Variants in TENM4 observed in about 807,000 individuals in gnomAD.
TENM4 encodes teneurin transmembrane protein 4.
Under a neutral mutation model 243.3 loss-of-function variants are expected in TENM4, and 82 were observed. The observed-to-expected ratio is 0.34, with a 90% CI of 0.28 to 0.40. The LOEUF (loss-of-function observed/expected upper bound fraction) is 0.40, where lower values mean the gene tolerates loss of function less well. TENM4 is among the 10% of genes least tolerant of loss of function. TENM4 has a pLI of 1.00. For synonymous variants in TENM4, 1,412 were observed against 1,456.3 expected, an observed-to-expected ratio of 0.97 and a Z score of 0.69; for missense variants, 3,138 against 3,673.3, an observed-to-expected ratio of 0.85 and a Z score of 3.77.
chr11:79,013,042 A>G (rs867334325), intron 6 of TENM4, among the ~76,000 whole-genome samples: 16 of 152,336 alleles, frequency 1.1e-4, no homozygotes, highest in Middle Eastern at 6.8e-3. Flanking sequence ...CTGATACACG[A>G]ACAAGATTTA....
At chr11:78,903,862 G>A in intron 6 of TENM4, 1 of 575,964 alleles carries the variant, frequency 1.7e-6, no homozygotes, top group Non-Finnish European at 3.3e-6. Flanking sequence ...TTAAAGTGTG[G>A]CCAGGGACCA....
At chr11:78,831,071 G>A (rs1265440282) in intron 12 of TENM4, among the ~76,000 whole-genome samples, 1 of 152,168 alleles carries the variant, frequency 6.6e-6, no homozygotes, top group African/African-American at 2.4e-5. Context: ...CTTTTCAGAT[G>A]AGAAAATGGA....
At chr11:79,179,614 A>G (rs1427527794) in intron 3 of TENM4, among the ~76,000 whole-genome samples, 2 of 146,982 alleles carry the variant, frequency 1.4e-5, no homozygotes, top group South Asian at 2.1e-4. Context: ...AATATTTAGT[A>G]TATGGATTGA....
At chr11:79,246,330 C>G (rs1343903077) in intron 2 of TENM4, among the ~76,000 whole-genome samples, 1 of 151,972 alleles carries the variant, frequency 6.6e-6, no homozygotes, top group Non-Finnish European at 1.5e-5. Flanking sequence ...TTCCTTACAG[C>G]ATAAGTTAAT....
intron 1 of TENM4, among the ~76,000 whole-genome samples, chr11:79,371,259 G>T (rs1108284): frequency 0.28 from 42,094 of 151,988 alleles, 5,995 homozygotes; most frequent in Middle Eastern, 0.34. Context: ...GTCAAGGTAA[G>T]TACACATGTG....
chr11:78,987,217 T>C (rs1857938726), intron 6 of TENM4, among the ~76,000 whole-genome samples: 1 of 152,190 alleles, frequency 6.6e-6, no homozygotes, highest in Admixed American at 6.5e-5. Flanking sequence ...GCTTTATTCA[T>C]AATAGTCTGG....
chr11:79,335,790 A>C (rs1857138341), intron 1 of TENM4, among the ~76,000 whole-genome samples: 1 of 152,142 alleles, frequency 6.6e-6, no homozygotes, highest in African/African-American at 2.4e-5. Flanking sequence ...CCCCCGACTG[A>C]GTTATAGGAG....
At chr11:79,154,475 T>G (rs1862565637) in intron 3 of TENM4, among the ~76,000 whole-genome samples, 1 of 152,146 alleles carries the variant, frequency 6.6e-6, no homozygotes, top group Non-Finnish European at 1.5e-5. Context: ...ACATGAGATT[T>G]GGAGGGAACA....
chr11:78,990,330 C>T (rs948795060), intron 6 of TENM4, among the ~76,000 whole-genome samples: 5 of 152,184 alleles, frequency 3.3e-5, no homozygotes, highest in African/African-American at 7.2e-5. Flanking sequence ...AGCTTGGGGT[C>T]GCCTGGCTGT....
intron 2 of TENM4, among the ~76,000 whole-genome samples, chr11:79,225,564 A>T (rs1014701744): frequency 6.6e-6 from 1 of 152,106 alleles, no homozygotes; most frequent in East Asian, 1.9e-4. Flanking sequence ...GTGTACCACC[A>T]TGCTGGCTAC....
At chr11:78,760,402 C>T (rs2135963839) in intron 18 of TENM4, among the ~76,000 whole-genome samples, 1 of 152,338 alleles carries the variant, frequency 6.6e-6, no homozygotes, top group Admixed American at 6.5e-5. Context: ...AGTTGCTTAA[C>T]TTCTCTAAAC....
chr11:78,884,041 G>T (rs1177269341), intron 9 of TENM4, among the ~76,000 whole-genome samples: 1 of 152,198 alleles, frequency 6.6e-6, no homozygotes, highest in Non-Finnish European at 1.5e-5. Context: ...CAACAGTAGT[G>T]TCTAACTTTT....
chr11:79,130,225 G>T (rs1861972832), intron 4 of TENM4, among the ~76,000 whole-genome samples: 1 of 152,138 alleles, frequency 6.6e-6, no homozygotes, highest in Non-Finnish European at 1.5e-5. Flanking sequence ...TGGGACAAAA[G>T]AATCTGAACA....
chr11:78,966,994 G>T (rs1168986763), intron 6 of TENM4, among the ~76,000 whole-genome samples: 1 of 152,160 alleles, frequency 6.6e-6, no homozygotes. Flanking sequence ...TTTTGCACAA[G>T]CTTGTTCCTC....
At chr11:78,719,922 C>T (rs1247657972) in intron 25 of TENM4, among the ~76,000 whole-genome samples, 2 of 152,190 alleles carry the variant, frequency 1.3e-5, no homozygotes, top group African/African-American at 4.8e-5. Context: ...CTGGCATCCC[C>T]AAGCTGAGGC....
chr11:79,248,356 G>A (rs1455010907), intron 2 of TENM4, among the ~76,000 whole-genome samples: 2 of 152,164 alleles, frequency 1.3e-5, no homozygotes, highest in Non-Finnish European at 2.9e-5. Flanking sequence ...TAGAGTGAGT[G>A]AACCCCTTCC....
intron 19 of TENM4, among the ~76,000 whole-genome samples, chr11:78,750,016 T>C (rs1856146786): frequency 6.6e-6 from 1 of 152,178 alleles, no homozygotes; most frequent in South Asian, 2.1e-4. Context: ...TTCTGACCTT[T>C]GATGTGGAAA....
At chr11:78,772,899 G>A (rs752585678) in intron 17 of TENM4, among the ~76,000 whole-genome samples, 2 of 152,200 alleles carry the variant, frequency 1.3e-5, no homozygotes, top group African/African-American at 2.4e-5. Flanking sequence ...AGCCTGCTGG[G>A]AAAGATGAGA....
chr11:78,816,909 C>T (rs1289210258), intron 12 of TENM4, among the ~76,000 whole-genome samples: 2 of 152,202 alleles, frequency 1.3e-5, no homozygotes, highest in East Asian at 1.9e-4. Flanking sequence ...GGGATCTACT[C>T]TTAGTACCAT....
Sources: allele counts gnomAD v4.1 joint callset (sites outside exome capture counted in the v4.1 genomes callset), GRCh38; gene constraint gnomAD v4.1.1; transcripts MANE v1.5; gene names NCBI Gene and HGNC (gene_info 2026-07-23, HGNC 2026-07-21).